The following HBP1 variants were observed in gnomAD, a reference collection of about 807,000 sequenced individuals.
HBP1 encodes HMG box-containing protein 1.
In HBP1, 20 loss-of-function variants were observed where a neutral mutation model predicts 62.6. The observed-to-expected ratio is 0.32, with a 90% CI of 0.22 to 0.46. The LOEUF (loss-of-function observed/expected upper bound fraction) is 0.46. HBP1 is among the 20% of genes least tolerant of loss of function. The pLI, the probability that HBP1 is intolerant of heterozygous loss-of-function variation, is 1.00. For missense variants in HBP1, 480 were observed against 611.8 expected (o/e 0.78, Z 2.27); for synonymous variants, 232 against 206.2 (o/e 1.12, Z -1.07).
chr7:107,188,674 A>G (rs1053393584), intron 6 of HBP1, among the ~76,000 whole-genome samples: 5 of 152,222 alleles, frequency 3.3e-5, no homozygotes, highest in African/African-American at 2.4e-5. Context: ...ATTCAGGTCT[A>G]TAATAGGTGT....
chr7:107,195,223 T>C (rs1191700564), intron 8 of HBP1, among the ~76,000 whole-genome samples: 1 of 152,220 alleles, frequency 6.6e-6, no homozygotes, highest in African/African-American at 2.4e-5. Flanking sequence ...GGTTTCACCA[T>C]GTTGCCCAGG....
chr7:107,200,861 T>A (rs550048749), intron 10 of HBP1: 2 of 152,688 alleles, frequency 1.3e-5, no homozygotes, highest in Non-Finnish European at 1.5e-5. Context: ...TTGTTTCTTA[T>A]AACTTTTCCA....
chr7:107,177,423 T>A (rs1338752404), intron 1 of HBP1, among the ~76,000 whole-genome samples: 1 of 152,212 alleles, frequency 6.6e-6, no homozygotes, highest in Non-Finnish European at 1.5e-5. Flanking sequence ...GCAGATAGCA[T>A]CCAAAATAGA....
chr7:107,200,087 G>A (rs746454456), intron 9 of HBP1, 73 bp from the exon 10 acceptor site: 4 of 1,221,028 alleles, frequency 3.3e-6, no homozygotes, highest in Admixed American at 2.8e-5. Flanking sequence ...TTTTTCTCCT[G>A]AAGTAGCAGC....
intron 1 of HBP1, among the ~76,000 whole-genome samples, chr7:107,178,947 T>C (rs954240089): frequency 3.9e-5 from 6 of 152,158 alleles, no homozygotes; most frequent in Admixed American, 6.5e-5. Flanking sequence ...GGCAGGAGAA[T>C]CGCTTGAACC....
At chr7:107,197,443 AC>A (rs1198505363) in intron 9 of HBP1, among the ~76,000 whole-genome samples, 1 of 152,150 alleles carries the variant, frequency 6.6e-6, no homozygotes, top group Non-Finnish European at 1.5e-5. Context: ...ATCTTGGCTC[AC>A]TGCAACTTCT....
Position 107,201,631 on chromosome 7 carries a change from AT to A in HBP1, c.*204del. The A allele has an allele frequency of 2.3e-6, 1 of 430,346 alleles. No homozygotes were observed. Among genetic ancestry groups the A allele is most frequent in the Non-Finnish European group, 4.2e-6 (1 of 238,432 alleles). 26.7% of individuals were successfully genotyped at this position (430,346 alleles called of 1,614,324 possible). A position where few individuals can be genotyped will look rare whatever the true frequency, so the allele number is the denominator to read the frequency against. ...AGAGCATTAAGCTAAAACTATCAAC[AT>A]TTTAAACCAAATTGCCTTATTTTTC... On this transcript the variant is annotated 3_prime_UTR_variant, in exon 11 of 11. Transcript: ENST00000222574.
intron 3 of HBP1, among the ~76,000 whole-genome samples, chr7:107,184,121 T>C (rs1213738436): frequency 1.3e-5 from 2 of 152,254 alleles, no homozygotes; most frequent in East Asian, 3.8e-4. Context: ...ACTTCTGTTT[T>C]AAATGGTTAA....
Position 107,169,712 on chromosome 7 carries a change from T to C in HBP1, c.-16+527T>C. The C allele has an allele frequency of 5.1e-6, 5 of 984,710 alleles. No individual in the cohort carries two copies. In the South Asian group the frequency reaches 2.3e-4, roughly 46 times the overall value. 61.0% of individuals were successfully genotyped at this position (984,710 alleles called of 1,614,324 possible). ...GGAGCCGCTGGGCCCCGGGGCTCAT[T>C]GTTACGCAGTTCGAATGAATGGGCT... On this transcript the variant is annotated intron_variant, in intron 1 of 10. Coordinates refer to ENST00000222574, the MANE Select transcript of HBP1 (RefSeq NM_012257.4).
intron 1 of HBP1, among the ~76,000 whole-genome samples, chr7:107,177,873 T>C (rs1283865321): frequency 4.6e-5 from 7 of 152,236 alleles, no homozygotes; most frequent in Middle Eastern, 3.4e-3. Context: ...TTTTTCCCAT[T>C]TTTTTTCACA....
At chr7:107,199,181 G>A (rs1798078752) in intron 9 of HBP1, among the ~76,000 whole-genome samples, 1 of 152,184 alleles carries the variant, frequency 6.6e-6, no homozygotes, top group East Asian at 1.9e-4. Context: ...TGCCTCCCGG[G>A]TTCAGGCGAT....
chr7:107,180,113 T>G (rs1167488046), intron 2 of HBP1, 51 bp downstream of exon 2: 3 of 1,243,298 alleles, frequency 2.4e-6, no homozygotes, highest in Admixed American at 3.6e-5. Context: ...TCAGATAAAT[T>G]TTTCTACTTA....
intron 9 of HBP1, chr7:107,196,828 A>T (rs1185411632): frequency 6.5e-6 from 1 of 154,570 alleles, no homozygotes; most frequent in Non-Finnish European, 1.4e-5. Context: ...TATTTTTTGT[A>T]GAGATAGGGT....
At chr7:107,182,648 A>G (rs913026400) in intron 3 of HBP1, 47 bp downstream of exon 3, 12 of 1,037,670 alleles carry the variant, frequency 1.2e-5, no homozygotes, top group Non-Finnish European at 1.7e-5. Context: ...ATCATTACAC[A>G]AAGGTTTTAT....
intron 9 of HBP1, among the ~76,000 whole-genome samples, chr7:107,197,544 A>G (rs1797979842): frequency 6.6e-6 from 1 of 151,968 alleles, no homozygotes; most frequent in Non-Finnish European, 1.5e-5. Context: ...AATTTTTTGC[A>G]TATTTAGTAG....
chr7:107,175,907 A>C (rs1402018323), intron 1 of HBP1, among the ~76,000 whole-genome samples: 3 of 151,502 alleles, frequency 2.0e-5, no homozygotes, highest in Non-Finnish European at 2.9e-5. Context: ...TAGTAGAGAC[A>C]GGGTTTCACC....
chr7:107,186,293 A>G, intron 4 of HBP1, 68 bp from the exon 5 acceptor site: 1 of 941,522 alleles, frequency 1.1e-6, no homozygotes, highest in Middle Eastern at 2.2e-4. Flanking sequence ...AAGACGTGGG[A>G]TGAAAACAGA....
chr7:107,195,798 T>C lies in HBP1; in HGVS notation c.1068-36T>C, dbSNP rs1797871690. ...TTTTAGAAATCAGAGAATTCAAAAT[T>C]GAATTAAAATATTATTATTTTTTTT... On this transcript the variant is annotated intron_variant, in intron 8 of 10. Transcript: ENST00000222574. 4.0e-6 allele frequency: 4 copies of C among 992,136 alleles called. No individual in the cohort carries two copies. In the South Asian group the frequency reaches 1.2e-4, roughly 29 times the overall value. 61.5% of individuals were successfully genotyped at this position (992,136 alleles called of 1,614,324 possible). A position where few individuals can be genotyped will look rare whatever the true frequency, so the allele number is the denominator to read the frequency against.
At chr7:107,179,124 T>C (rs1796990630) in intron 1 of HBP1, among the ~76,000 whole-genome samples, 1 of 152,172 alleles carries the variant, frequency 6.6e-6, no homozygotes, top group Non-Finnish European at 1.5e-5. Flanking sequence ...AATAGAGACA[T>C]TAAAATAGAA....
Sources: allele counts gnomAD v4.1 joint callset (sites outside exome capture counted in the v4.1 genomes callset), GRCh38; gene constraint gnomAD v4.1.1; transcripts MANE v1.5; gene names NCBI Gene and HGNC (gene_info 2026-07-23, HGNC 2026-07-21).